The following MAP2K3 variants were observed in gnomAD, a reference collection of about 807,000 sequenced individuals.
MAP2K3 encodes mitogen-activated protein kinase kinase 3.
Under a neutral mutation model 46.4 loss-of-function variants are expected in MAP2K3, and 30 were observed. That is an observed-to-expected ratio of 0.65 (90% CI 0.48 to 0.88). The LOEUF is 0.88. Among genes scored for constraint, MAP2K3 ranks in the 40% least tolerant of loss-of-function variants. The pLI is 0.00. For synonymous variants in MAP2K3, 189 were observed against 176.3 expected (o/e 1.07, Z -0.57); for missense variants, 380 against 464.5 (o/e 0.82, Z 1.67).
chr17:21,299,359 C>T (rs1044582270), intron 3 of MAP2K3, among the ~76,000 whole-genome samples: 19 of 152,302 alleles, frequency 1.2e-4, no homozygotes, highest in East Asian at 3.8e-4. Flanking sequence ...GCTCAGGGAC[C>T]GTGCTATGCC....
intron 3 of MAP2K3, among the ~76,000 whole-genome samples, chr17:21,299,702 GCT>G (rs1976482241): frequency 4.0e-5 from 1 of 24,708 alleles, no homozygotes; most frequent in African/African-American, 1.7e-4. Context: ...AAAAAAAAGA[GCT>G]GGGCACGGTG....
chr17:21,300,618 A>C lies in MAP2K3; in HGVS notation c.239A>C (p.Lys80Thr), dbSNP rs1976539729. The change falls in exon 4 of 12, where the codon AAG becomes ACG. Residue 80 changes from lysine (K) to threonine (T), a missense_variant. By Grantham distance (78) the Lys-to-Thr change is moderately conservative (BLOSUM62 -1). Coordinates refer to ENST00000342679, the MANE Select transcript of MAP2K3 (RefSeq NM_145109.3). ...LGRGAYGVVE[K>T]VRHAQSGTIM... ...CGTGGAGCCTATGGGGTGGTAGAGA[A>C]GGTGCGGCACGCCCAGAGCGGCACC... is the stretch of plus-strand genomic sequence containing the variant. 1 of 1,612,882 alleles carries C rather than the reference A, an allele frequency of 6.2e-7. No homozygotes were observed. The highest frequency in any genetic ancestry group is 1.3e-5 in the African/African-American group (1 of 74,956).
chr17:21,313,361 T>A, intron 10 of MAP2K3, 131 bp from the exon 11 acceptor site: 1 of 701,276 alleles, frequency 1.4e-6, no homozygotes, highest in Non-Finnish European at 2.5e-6. Flanking sequence ...TAGACAGTCC[T>A]GTCCCTTCTT....
At chr17:21,286,301 G>C (rs1480725503) in intron 1 of MAP2K3, among the ~76,000 whole-genome samples, 1 of 152,246 alleles carries the variant, frequency 6.6e-6, no homozygotes, top group Non-Finnish European at 1.5e-5. Flanking sequence ...GTGAGCAGGA[G>C]GAAGCACCTA....
In MAP2K3 at chr17:21,313,535, A is replaced by G; in HGVS notation, c.958A>G (p.Met320Val). The G allele has an allele frequency of 7.5e-7, 1 of 1,327,864 alleles. No individual in the cohort carries two copies. Among genetic ancestry groups the G allele is most frequent in the African/African-American group, 1.5e-5 (1 of 65,412 alleles). The allele number at this position is 1,327,864 out of a possible 1,614,324, so 82.3% of individuals were successfully genotyped here. ...AGAGCGTATGAGCTACCTGGAGCTG[A>G]TGGTGAGTATGGGCGGGAGGTGCCT... The part of the protein sequence containing the change: ...PAERMSYLEL[M>V]EHPFFTLHKT... The change falls in exon 11 of 12, where the codon ATG becomes GTG. Residue 320 changes from methionine (M) to valine (V), a missense_variant and splice_region_variant. Met to Val is a conservative substitution (Grantham distance 21). Transcript: ENST00000342679.
chr17:21,289,244 G>A (rs756881479), intron 1 of MAP2K3, among the ~76,000 whole-genome samples: 3 of 152,166 alleles, frequency 2.0e-5, no homozygotes, highest in Non-Finnish European at 4.4e-5. Flanking sequence ...CCTTGGGAGG[G>A]TGAGTGGGGA....
At chr17:21,285,086 C>T in intron 1 of MAP2K3, 117 bp downstream of exon 1, 3 of 1,412,464 alleles carry the variant, frequency 2.1e-6, no homozygotes, top group Non-Finnish European at 2.9e-6. Context: ...CAGCGGCGTC[C>T]GGTCCCGGAA....
intron 1 of MAP2K3, among the ~76,000 whole-genome samples, chr17:21,296,865 C>T (rs952926955): frequency 3.3e-5 from 5 of 152,310 alleles, no homozygotes; most frequent in African/African-American, 1.2e-4. Context: ...ATGGGGTGAG[C>T]AGTTAGCAGG....
chr17:21,301,656 C>G lies in MAP2K3; in HGVS notation c.400-487C>G, dbSNP rs1347158197. On this transcript the variant is annotated intron_variant, in intron 5 of 11. Coordinates refer to ENST00000342679, the MANE Select transcript of MAP2K3 (RefSeq NM_145109.3). ...TGTGCCAGCCCCTAGCCGATGGGGC[C>G]CCTGCAGCCTGCGGGTGCCCCCTGC... Among the ~76,000 whole-genome samples the G allele has an allele frequency of 2.0e-5, 3 of 152,424 alleles. No individual in the cohort carries two copies. The East Asian group carries it at 5.8e-4, about 29-fold the overall frequency.
At chr17:21,289,437 T>C (rs1975820778) in intron 1 of MAP2K3, among the ~76,000 whole-genome samples, 1 of 145,564 alleles carries the variant, frequency 6.9e-6, no homozygotes. Context: ...GAGTCAGGGG[T>C]GTTGGGGGGT....
At chr17:21,299,359 C>G (rs1044582270) in intron 3 of MAP2K3, among the ~76,000 whole-genome samples, 1 of 152,310 alleles carries the variant, frequency 6.6e-6, no homozygotes, top group Non-Finnish European at 1.5e-5. Flanking sequence ...GCTCAGGGAC[C>G]GTGCTATGCC....
intron 9 of MAP2K3, among the ~76,000 whole-genome samples, chr17:21,310,713 T>G (rs1977121513): frequency 6.6e-6 from 1 of 152,260 alleles, no homozygotes; most frequent in African/African-American, 2.4e-5. Flanking sequence ...GGGGTGCGAC[T>G]ACGGTCCTGG....
chr17:21,300,419 A>G (rs1303298382), intron 3 of MAP2K3, 126 bp from the exon 4 acceptor site: 1 of 936,638 alleles, frequency 1.1e-6, no homozygotes, highest in Admixed American at 2.1e-5. Context: ...GGAGCGGTGG[A>G]TATGAGGTTT....
chr17:21,293,996 C>A (rs1210936828), intron 1 of MAP2K3, among the ~76,000 whole-genome samples: 1 of 152,304 alleles, frequency 6.6e-6, no homozygotes, highest in Admixed American at 6.5e-5. Context: ...CTCAGGACCT[C>A]TGATGGCACC....
chr17:21,298,040 G>A (rs1424010767), intron 1 of MAP2K3, among the ~76,000 whole-genome samples: 9 of 152,300 alleles, frequency 5.9e-5, no homozygotes, highest in Non-Finnish European at 1.5e-5. Flanking sequence ...TGCAGGTGCT[G>A]GCTGGACCCC....
chr17:21,286,004 G>T (rs558897642), intron 1 of MAP2K3, among the ~76,000 whole-genome samples: 2 of 152,288 alleles, frequency 1.3e-5, no homozygotes, highest in Admixed American at 1.3e-4. Context: ...GTAATGAATG[G>T]GCTGCCTCCT....
At chr17:21,300,683 G>T in intron 4 of MAP2K3, 25 bp downstream of exon 4, 1 of 1,602,140 alleles carries the variant, frequency 6.2e-7, no homozygotes, top group Non-Finnish European at 8.5e-7. Flanking sequence ...GAGGCAGCTG[G>T]GAGGGCTCCC....
At chr17:21,301,297 A>G (rs1976586711) in intron 5 of MAP2K3, among the ~76,000 whole-genome samples, 2 of 152,310 alleles carry the variant, frequency 1.3e-5, no homozygotes, top group East Asian at 1.9e-4. Flanking sequence ...CCCATGGCAT[A>G]CAGGGCGTGG....
chr17:21,299,984 A>G (rs1976498429), intron 3 of MAP2K3, among the ~76,000 whole-genome samples: 1 of 152,312 alleles, frequency 6.6e-6, no homozygotes, highest in East Asian at 1.9e-4. Context: ...CTCTGTCTAA[A>G]AAAAATAAAC....
Sources: gnomAD v4.1 joint callset for allele counts (sites outside exome capture counted in the v4.1 genomes callset) on GRCh38, gnomAD v4.1.1 for gene constraint, MANE v1.5 for transcripts, NCBI Gene and HGNC (gene_info 2026-07-23, HGNC 2026-07-21) for gene names.